Variants in GAS2L3 observed in about 807,000 individuals in gnomAD.
GAS2L3 encodes GAS2-like protein 3.
GAS2L3 carries 28 observed loss-of-function variants against 37.0 expected under a neutral mutation model. The ratio of observed to expected loss-of-function variants is 0.76; its 90% CI spans 0.56 to 1.04. GAS2L3 has a LOEUF of 1.04. GAS2L3 is among the 50% of genes least tolerant of loss of function. The probability of loss-of-function intolerance (pLI) is 0.00; values close to 1 mark genes in which losing one functional copy is unlikely to be tolerated. For synonymous variants in GAS2L3, 290 were observed against 296.6 expected (o/e 0.98, Z 0.23); for missense variants, 793 against 817.6 (o/e 0.97, Z 0.37).
At chr12:100,603,853 C>T (rs919351244) in intron 5 of GAS2L3, among the ~76,000 whole-genome samples, 10 of 151,944 alleles carry the variant, frequency 6.6e-5, no homozygotes, top group Non-Finnish European at 1.0e-4. Flanking sequence ...CATGTGAATA[C>T]CCAGTTTTCC....
At chr12:100,607,665 T>C (rs896870752) in intron 5 of GAS2L3, among the ~76,000 whole-genome samples, 3 of 151,994 alleles carry the variant, frequency 2.0e-5, no homozygotes, top group African/African-American at 7.2e-5. Context: ...TCCTTGAAGC[T>C]CAGTAATTCT....
chr12:100,617,498 C>A (rs1956202195), intron 6 of GAS2L3, among the ~76,000 whole-genome samples: 1 of 152,066 alleles, frequency 6.6e-6, no homozygotes, highest in Non-Finnish European at 1.5e-5. Flanking sequence ...ATTTTTTAGA[C>A]TTCAAATGCT....
chr12:100,610,943 T>C (rs1201051549), intron 5 of GAS2L3: 1 of 151,808 alleles, frequency 6.6e-6, no homozygotes, highest in East Asian at 1.9e-4. Context: ...CCATCTTTAT[T>C]AATCTGCGTG....
rs571524558 is a variant in GAS2L3, at chr12:100,595,020, T to G, written c.18+98T>G. On this transcript the variant is annotated intron_variant, in intron 3 of 9. Coordinates refer to ENST00000547754, the MANE Select transcript of GAS2L3 (RefSeq NM_174942.3). ...TAAAATTATCACAGTGTTCTTATTG[T>G]GCTAGTTTTTTTAAGCATCACATTT... is the stretch of plus-strand genomic sequence containing the variant. 6.1e-5 allele frequency: 32 copies of G among 521,194 alleles called. No individual in the cohort carries two copies. In the East Asian group the frequency reaches 1.0e-3, roughly 16 times the overall value. The allele number at this position is 521,194 out of a possible 1,614,324, so 32.3% of individuals were successfully genotyped here. A position where few individuals can be genotyped will look rare whatever the true frequency, so the allele number is the denominator to read the frequency against.
At chr12:100,622,651 C>T (rs1179468252) in intron 9 of GAS2L3, among the ~76,000 whole-genome samples, 1 of 148,532 alleles carries the variant, frequency 6.7e-6, no homozygotes, top group Non-Finnish European at 1.5e-5. Flanking sequence ...TCCTTGCATA[C>T]CTCAAGGAAC....
chr12:100,583,540 C>T (rs1367164811), intron 1 of GAS2L3, among the ~76,000 whole-genome samples: 1 of 151,970 alleles, frequency 6.6e-6, no homozygotes, highest in African/African-American at 2.4e-5. Flanking sequence ...TTTTTTCTCT[C>T]AGCTCACTGC....
At chr12:100,584,306 A>C (rs144745828) in intron 1 of GAS2L3, among the ~76,000 whole-genome samples, 284 of 152,336 alleles carry the variant, frequency 1.9e-3, no homozygotes, top group Non-Finnish European at 2.9e-3. Flanking sequence ...CAAAAAAGTT[A>C]CAAGCCTAGA....
intron 1 of GAS2L3, among the ~76,000 whole-genome samples, chr12:100,576,267 TC>T (rs1410299254): frequency 6.6e-6 from 1 of 152,336 alleles, no homozygotes; most frequent in African/African-American, 2.4e-5. Flanking sequence ...CCTTTTTTTT[TC>T]CTATCAATTT....
At chr12:100,614,664 C>G (rs1180911084) in intron 6 of GAS2L3, among the ~76,000 whole-genome samples, 1 of 152,106 alleles carries the variant, frequency 6.6e-6, no homozygotes, top group Non-Finnish European at 1.5e-5. Context: ...AAAATCTGTA[C>G]CTATTAGCAA....
At chr12:100,622,749 TAAA>T in intron 9 of GAS2L3, among the ~76,000 whole-genome samples, 397 of 26,714 alleles carry the variant, frequency 0.015, no homozygotes, top group Non-Finnish European at 0.02. Context: ...GTATCCATAG[TAAA>T]AAAAAAAAAA....
intron 5 of GAS2L3, among the ~76,000 whole-genome samples, chr12:100,611,725 G>A (rs530161592): frequency 6.6e-6 from 1 of 152,230 alleles, no homozygotes; most frequent in Admixed American, 6.5e-5. Context: ...GACAGGCAGA[G>A]CTCAGGTGGT....
chr12:100,622,187 T>A (rs1956262791), intron 8 of GAS2L3, 88 bp from the exon 9 acceptor site: 1 of 619,866 alleles, frequency 1.6e-6, no homozygotes, highest in South Asian at 2.6e-5. Flanking sequence ...TCTTTGAGTT[T>A]GGTTTTCCTT....
intron 1 of GAS2L3, among the ~76,000 whole-genome samples, chr12:100,587,482 T>C (rs547906574): frequency 1.3e-5 from 2 of 152,110 alleles, no homozygotes; most frequent in East Asian, 1.9e-4. Context: ...AAAGCAAAAA[T>C]CACATGATCA....
chr12:100,610,489 T>A (rs533978711), intron 5 of GAS2L3, among the ~76,000 whole-genome samples: 1 of 151,368 alleles, frequency 6.6e-6, no homozygotes, highest in African/African-American at 2.4e-5. Context: ...AGGATTTCAG[T>A]TGATAGTTTG....
rs898433578 is a variant in GAS2L3, at chr12:100,579,966, A to G, written c.-152+6181A>G. 2.6e-5 allele frequency: 22 copies of G among 834,904 alleles called. No individual in the cohort carries two copies. In the Admixed American group the frequency reaches 3.4e-4, roughly 13 times the overall value. The allele number at this position is 834,904 out of a possible 1,614,324, so 51.7% of individuals were successfully genotyped here. A position where few individuals can be genotyped will look rare whatever the true frequency, so the allele number is the denominator to read the frequency against. On this transcript the variant is annotated intron_variant, in intron 1 of 9. Transcript: ENST00000547754. ...AGTATCAGTGGAATCTGTGTTGCCAATGGACAAACAACTGGACAGACTTAT... is the reference window on the plus strand; with the variant it reads ...AGTATCAGTGGAATCTGTGTTGCCAGTGGACAAACAACTGGACAGACTTAT...
intron 5 of GAS2L3, among the ~76,000 whole-genome samples, chr12:100,606,590 T>C (rs939194423): frequency 2.6e-5 from 4 of 152,040 alleles, no homozygotes; most frequent in Non-Finnish European, 4.4e-5. Flanking sequence ...GTCTTTCTTT[T>C]AGTGAAGGTG....
chr12:100,588,877 C>G (rs1955812415), intron 1 of GAS2L3, among the ~76,000 whole-genome samples: 1 of 152,154 alleles, frequency 6.6e-6, no homozygotes, highest in African/African-American at 2.4e-5. Flanking sequence ...CTCTTTTTGC[C>G]TGACCCCACG....
chr12:100,623,921 A>G lies in GAS2L3; in HGVS notation c.1116A>G (p.Lys372=). 6.2e-7 allele frequency: 1 copy of G among 1,614,146 alleles called. No individual in the cohort carries two copies. Among genetic ancestry groups the G allele is most frequent in the Non-Finnish European group, 8.5e-7 (1 of 1,180,018 alleles). ...GNLGSMSVRS[K]LPNSPAASSH... is the part of the protein sequence containing the mutation. ...TGGGCTCTATGTCAGTCCGTTCTAA[A>G]TTGCCAAATTCTCCAGCAGCATCTT... Residue 372 remains lysine (K), a synonymous_variant, in exon 10 of 10, where the codon AAA becomes AAG. Transcript: ENST00000547754.
At chr12:100,577,854 T>A (rs968317650) in intron 1 of GAS2L3, among the ~76,000 whole-genome samples, 1 of 152,206 alleles carries the variant, frequency 6.6e-6, no homozygotes, top group Non-Finnish European at 1.5e-5. Context: ...GATCAGCAAG[T>A]GCGAAGACCT....
Sources: allele counts gnomAD v4.1 joint callset (sites outside exome capture counted in the v4.1 genomes callset), GRCh38; gene constraint gnomAD v4.1.1; transcripts MANE v1.5; gene names NCBI Gene and HGNC (gene_info 2026-07-23, HGNC 2026-07-21).